The following PPP2R2A variants were observed in gnomAD, a reference collection of about 807,000 sequenced individuals.
The protein encoded by PPP2R2A is protein phosphatase 2 regulatory subunit Balpha.
Under a neutral mutation model 53.2 loss-of-function variants are expected in PPP2R2A, and 9 were observed. The ratio of observed to expected loss-of-function variants is 0.17; its 90% confidence interval spans 0.10 to 0.30. The LOEUF is 0.30. Among genes scored for constraint, PPP2R2A ranks in the 10% least tolerant of loss-of-function variants. The probability of loss-of-function intolerance (pLI) is 1.00; values close to 1 mark genes in which losing one functional copy is unlikely to be tolerated. For missense variants in PPP2R2A, 235 were observed against 534.6 expected (o/e 0.44, Z 5.53); for synonymous variants, 169 against 174.2 (o/e 0.97, Z 0.23).
intron 2 of PPP2R2A, chr8:26,333,561 A>G: frequency 1.7e-6 from 2 of 1,174,136 alleles, no homozygotes; most frequent in Non-Finnish European, 1.1e-6. Flanking sequence ...CTCACAACAC[A>G]AGAGCTGAGG....
intron 2 of PPP2R2A, 122 bp downstream of exon 2, chr8:26,293,862 T>A: frequency 2.3e-6 from 2 of 887,738 alleles, no homozygotes; most frequent in Non-Finnish European, 3.5e-6. Flanking sequence ...CCAAGAAATG[T>A]AAGAACAGTT....
chr8:26,326,045 C>G (rs1803070958), intron 2 of PPP2R2A, among the ~76,000 whole-genome samples: 1 of 152,184 alleles, frequency 6.6e-6, no homozygotes, highest in South Asian at 2.1e-4. Context: ...CCATGTTGCC[C>G]AGGCTGGTCT....
Position 26,370,202 on chromosome 8 carries a change from C to G in PPP2R2A, c.1133C>G (p.Thr378Ser). Residue 378 changes from threonine to serine, a missense_variant, in exon 10 of 10, where the codon ACC (threonine) becomes AGC (serine). Physicochemically the swap from Thr to Ser is moderately conservative, Grantham distance 58. Coordinates refer to ENST00000380737, the MANE Select transcript of PPP2R2A (RefSeq NM_002717.4). The surrounding 1 kb of genome is among the most constrained non-coding windows in gnomAD (Gnocchi z 6.1). ...GACAGAAACACAAAGCGAGACATAACCCTAGAAGCATCGCGGGAAAACAAT... is the reference window on the plus strand; with the variant it reads ...GACAGAAACACAAAGCGAGACATAAGCCTAGAAGCATCGCGGGAAAACAAT... ...MFDRNTKRDI[T>S]LEASRENNKP... 6.2e-7 allele frequency: 1 copy of G among 1,614,092 alleles called. No homozygotes were observed. Among genetic ancestry groups the G allele is most frequent in the Non-Finnish European group, 8.5e-7 (1 of 1,179,992 alleles).
intron 3 of PPP2R2A, among the ~76,000 whole-genome samples, chr8:26,350,297 A>T (rs567182864): frequency 6.6e-6 from 1 of 152,248 alleles, no homozygotes; most frequent in South Asian, 2.1e-4. Context: ...ACTCGACCTC[A>T]GGTGATCTGC....
chr8:26,296,772 G>A (rs1010406), intron 2 of PPP2R2A, among the ~76,000 whole-genome samples: 8,967 of 152,270 alleles, frequency 0.059, 389 homozygotes, highest in Non-Finnish European at 0.085. Flanking sequence ...AAGAGAAATG[G>A]TAAAAGGCAG....
chr8:26,340,173 A>AT (rs972421540), intron 3 of PPP2R2A, among the ~76,000 whole-genome samples: 4 of 152,038 alleles, frequency 2.6e-5, no homozygotes, highest in African/African-American at 9.7e-5. Flanking sequence ...AAACTCGACC[A>AT]TAAGAATCTT....
At chr8:26,294,913 C>G (rs1241416576) in intron 2 of PPP2R2A, among the ~76,000 whole-genome samples, 1 of 152,100 alleles carries the variant, frequency 6.6e-6, no homozygotes, top group African/African-American at 2.4e-5. Flanking sequence ...GATGAGAAAC[C>G]AGAAACAAAA....
intron 2 of PPP2R2A, among the ~76,000 whole-genome samples, chr8:26,324,765 A>G (rs1166424280): frequency 6.6e-6 from 1 of 152,122 alleles, no homozygotes; most frequent in East Asian, 1.9e-4. Context: ...AGCAGCCAGC[A>G]GGGAGGCTGT....
intron 3 of PPP2R2A, among the ~76,000 whole-genome samples, chr8:26,343,758 T>C (rs1337080277): frequency 1.3e-5 from 2 of 152,230 alleles, no homozygotes; most frequent in Admixed American, 1.3e-4. Context: ...GAGTAATATA[T>C]GTTTTAAGTG....
chr8:26,297,202 C>T (rs571418413), intron 2 of PPP2R2A, among the ~76,000 whole-genome samples: 14 of 152,232 alleles, frequency 9.2e-5, no homozygotes, highest in Middle Eastern at 3.4e-3. Flanking sequence ...CTCAGCCTCC[C>T]GGGTTCAAGT....
intron 2 of PPP2R2A, among the ~76,000 whole-genome samples, chr8:26,330,916 A>G (rs942337434): frequency 2.0e-5 from 3 of 152,160 alleles, no homozygotes; most frequent in Admixed American, 2.0e-4. Context: ...CTTTGTTAGG[A>G]CAAGTTTAGT....
intron 2 of PPP2R2A, among the ~76,000 whole-genome samples, chr8:26,324,711 C>T (rs923115462): frequency 1.3e-5 from 2 of 152,156 alleles, no homozygotes; most frequent in African/African-American, 4.8e-5. Context: ...CAGCTTGCAC[C>T]ATGCCCCGGG....
At chr8:26,312,697 G>T (rs1802344673) in intron 2 of PPP2R2A, among the ~76,000 whole-genome samples, 1 of 152,138 alleles carries the variant, frequency 6.6e-6, no homozygotes. Flanking sequence ...GTTTGGCTCG[G>T]TCTAAGACCT....
intron 2 of PPP2R2A, 159 bp downstream of exon 2, chr8:26,293,899 C>G: frequency 1.6e-6 from 1 of 640,734 alleles, no homozygotes; most frequent in Non-Finnish European, 2.6e-6. Flanking sequence ...TGAAAAACAG[C>G]CTTAAATTTC....
intron 2 of PPP2R2A, among the ~76,000 whole-genome samples, chr8:26,329,924 G>A (rs1053357205): frequency 1.3e-5 from 2 of 152,140 alleles, no homozygotes; most frequent in South Asian, 2.1e-4. Flanking sequence ...CCATATACCC[G>A]TGTAAGTCTA....
chr8:26,300,267 TTG>T (rs1801721796), intron 2 of PPP2R2A, among the ~76,000 whole-genome samples: 1 of 152,160 alleles, frequency 6.6e-6, no homozygotes, highest in African/African-American at 2.4e-5. Context: ...TTCTTGAAAA[TTG>T]TGGAATAAGC....
rs372165372 is a variant in PPP2R2A, at chr8:26,338,860, A to G, written c.83-30A>G. ...AGTGAGTCGGGAAAGAAAAACTAAT[A>G]TCTTTTTTTGTTTTGTCTCAATTAT... is the stretch of plus-strand genomic sequence containing the variant. On this transcript the variant is annotated intron_variant, in intron 2 of 9. Transcript: ENST00000380737. This position sits in a 1 kb window ranked among gnomAD's most constrained non-coding sequence, Gnocchi z 4.5. 105 of 1,466,280 alleles carry G rather than the reference A, an allele frequency of 7.2e-5. No individual in the cohort carries two copies. Among genetic ancestry groups the G allele is most frequent in the Admixed American group, 4.9e-4 (27 of 55,068 alleles). The allele number at this position is 1,466,280 out of a possible 1,614,324, so 90.8% of individuals were successfully genotyped here. A position where few individuals can be genotyped will look rare whatever the true frequency, so the allele number is the denominator to read the frequency against.
chr8:26,340,810 A>G (rs1332208126), intron 3 of PPP2R2A, among the ~76,000 whole-genome samples: 1 of 152,102 alleles, frequency 6.6e-6, no homozygotes, highest in African/African-American at 2.4e-5. Context: ...AAAGGCTGTT[A>G]GTAATACATT....
chr8:26,306,647 A>G (rs1390860496), intron 2 of PPP2R2A, among the ~76,000 whole-genome samples: 2 of 152,086 alleles, frequency 1.3e-5, no homozygotes, highest in African/African-American at 4.8e-5. Flanking sequence ...AAATATAGGT[A>G]AAGATTTTTA....
Sources: allele counts gnomAD v4.1 joint callset (sites outside exome capture counted in the v4.1 genomes callset), GRCh38; gene constraint gnomAD v4.1.1; non-coding constraint Gnocchi (gnomAD v3.1); transcripts MANE v1.5; gene names NCBI Gene and HGNC (gene_info 2026-07-23, HGNC 2026-07-21).